Variants in STRN3 observed in about 807,000 individuals in gnomAD.
STRN3 encodes striatin 3.
STRN3 carries 29 observed loss-of-function variants against 95.6 expected under a neutral mutation model. That is an observed-to-expected ratio of 0.30 (90% CI 0.23 to 0.41). The LOEUF (loss-of-function observed/expected upper bound fraction) is 0.41, where lower values mean the gene tolerates loss of function less well. Ranked by LOEUF, STRN3 falls within the 10% of genes least tolerant of loss-of-function variation. The probability of loss-of-function intolerance (pLI) is 1.00; values close to 1 mark genes in which losing one functional copy is unlikely to be tolerated. For missense variants in STRN3, 890 were observed against 972.1 expected (o/e 0.92, Z 1.12); for synonymous variants, 331 against 357.6 (o/e 0.93, Z 0.84).
chr14:30,997,592 T>C (rs898369640), intron 1 of STRN3, among the ~76,000 whole-genome samples: 3 of 152,204 alleles, frequency 2.0e-5, no homozygotes, highest in Non-Finnish European at 2.9e-5. Context: ...CTGACCACCC[T>C]GGAGGGCCCT....
In STRN3 at chr14:30,895,741, C is replaced by A; in HGVS notation, c.2145G>T (p.Met715Ile). ...CCAAGTGAGCTACCATAGAATGGAT[C>A]ATTTTACCTAAACAAAACATAACAG... ...IKFFDNKTGK[M>I]IHSMVAHLDA... Residue 715 changes from methionine (M) to isoleucine (I), a missense_variant, in exon 17 of 18, where the codon ATG (methionine) becomes ATT (isoleucine). Physicochemically the swap from Met to Ile is conservative, Grantham distance 10. Around this residue, in one of 3 missense-constraint regions of STRN3, gnomAD observed 357 missense variants for 422.8 expected, o/e 0.84. Transcript: ENST00000357479. The A allele has an allele frequency of 6.2e-7, 1 of 1,611,668 alleles. No homozygotes were observed. Among genetic ancestry groups the A allele is most frequent in the South Asian group, 1.1e-5 (1 of 90,296 alleles).
At chr14:30,944,494 A>G (rs576482173) in intron 5 of STRN3, among the ~76,000 whole-genome samples, 24 of 148,752 alleles carry the variant, frequency 1.6e-4, no homozygotes, top group South Asian at 8.5e-4. Context: ...ATATATACAC[A>G]TATATATACA....
chr14:31,025,676 G>T, intron 1 of STRN3: 1 of 662,178 alleles, frequency 1.5e-6, no homozygotes, highest in South Asian at 2.0e-5. Context: ...CTGCCCCGAG[G>T]AGGCCCGCAC....
intron 1 of STRN3, among the ~76,000 whole-genome samples, chr14:30,982,536 T>C (rs1881462775): frequency 1.3e-5 from 2 of 152,154 alleles, no homozygotes; most frequent in East Asian, 1.9e-4. Context: ...TGCCGAACTC[T>C]TGGCCTCAAG....
chr14:30,947,764 C>A (rs1879436243), intron 4 of STRN3, among the ~76,000 whole-genome samples: 1 of 152,158 alleles, frequency 6.6e-6, no homozygotes, highest in African/African-American at 2.4e-5. Flanking sequence ...GATCTAAGAT[C>A]TCATAGCACT....
chr14:31,022,083 T>C (rs1883531824), intron 1 of STRN3, among the ~76,000 whole-genome samples: 1 of 152,172 alleles, frequency 6.6e-6, no homozygotes, highest in Non-Finnish European at 1.5e-5. Flanking sequence ...AACACCTTTA[T>C]GAAAAATCAC....
chr14:31,005,744 A>G (rs1882681485), intron 1 of STRN3, among the ~76,000 whole-genome samples: 1 of 152,248 alleles, frequency 6.6e-6, no homozygotes, highest in Non-Finnish European at 1.5e-5. Flanking sequence ...ATTTTTACAT[A>G]GCTAAAATTT....
chr14:30,977,279 C>T (rs1881153931), intron 1 of STRN3, among the ~76,000 whole-genome samples: 1 of 151,950 alleles, frequency 6.6e-6, no homozygotes, highest in African/African-American at 2.4e-5. Context: ...AACAATTTAG[C>T]TTCCATCTTA....
chr14:30,994,069 G>A (rs1882090792), intron 1 of STRN3, among the ~76,000 whole-genome samples: 1 of 150,278 alleles, frequency 6.7e-6, no homozygotes, highest in Admixed American at 6.7e-5. Context: ...TAGAGATGGG[G>A]TTTCCCATGT....
chr14:30,962,142 T>C (rs1267416162), intron 1 of STRN3, among the ~76,000 whole-genome samples: 1 of 152,194 alleles, frequency 6.6e-6, no homozygotes, highest in African/African-American at 2.4e-5. Context: ...TTAATATGTG[T>C]GTTTGTGTCT....
In STRN3 at chr14:30,911,849, G is replaced by A. The variant is rs370146462; in HGVS notation, c.1551-25C>T. The stretch of plus-strand genomic sequence containing the variant: ...CCTAAAAGAGGGGGAAAAAGGGTAG[G>A]GGAAGAGAAGGCAATTAAATAACTA... On this transcript the variant is annotated intron_variant, in intron 11 of 17. Transcript: ENST00000357479. The A allele has an allele frequency of 5.0e-6, 8 of 1,593,578 alleles. No homozygotes were observed. In the African/African-American group the frequency reaches 9.5e-5, roughly 19 times the overall value.
intron 1 of STRN3, among the ~76,000 whole-genome samples, chr14:31,015,414 C>A (rs995972276): frequency 7.9e-5 from 12 of 151,618 alleles, no homozygotes; most frequent in Non-Finnish European, 1.5e-4. Context: ...CATTCATCAC[C>A]TAGGCTGGAG....
chr14:30,928,021 T>C (rs1217774888), intron 8 of STRN3, among the ~76,000 whole-genome samples: 4 of 152,160 alleles, frequency 2.6e-5, no homozygotes, highest in Non-Finnish European at 5.9e-5. Context: ...AATGTACTTT[T>C]ATACTCAGCA....
chr14:31,015,534 G>A (rs1413715918), intron 1 of STRN3, among the ~76,000 whole-genome samples: 2 of 151,930 alleles, frequency 1.3e-5, no homozygotes, highest in Non-Finnish European at 2.9e-5. Flanking sequence ...ATCACACCGA[G>A]CTAATTTTTT....
At chr14:30,993,126 T>A (rs893125303) in intron 1 of STRN3, among the ~76,000 whole-genome samples, 2 of 152,158 alleles carry the variant, frequency 1.3e-5, no homozygotes, top group African/African-American at 4.8e-5. Context: ...CCAGGTAGGC[T>A]GGCATGTGCC....
At chr14:30,976,627 A>C (rs532324220) in intron 1 of STRN3, among the ~76,000 whole-genome samples, 1 of 152,362 alleles carries the variant, frequency 6.6e-6, no homozygotes, top group South Asian at 2.1e-4. Context: ...GGACCATAAA[A>C]CCCATCTTAA....
At chr14:30,992,068 T>C (rs1379300578) in intron 1 of STRN3, among the ~76,000 whole-genome samples, 1 of 151,134 alleles carries the variant, frequency 6.6e-6, no homozygotes, top group Non-Finnish European at 1.5e-5. Context: ...GATAATAGTA[T>C]ATGGAAAACT....
At position 30,953,705 on chromosome 14, in the gene STRN3, C is replaced by T. The variant is rs891941412; in HGVS notation, c.460+1915G>A. ...AGTAGAGTGGTGTGAACAAAATTCACTGTAGCCTTGACCTCCCGGGCTCAC... is the reference window on the plus strand; with the variant it reads ...AGTAGAGTGGTGTGAACAAAATTCATTGTAGCCTTGACCTCCCGGGCTCAC... On this transcript the variant is annotated intron_variant, in intron 3 of 17. Transcript: ENST00000357479. 4.6e-5 allele frequency among the ~76,000 whole-genome samples: 7 copies of T among 152,294 alleles called. No homozygotes were observed. In the East Asian group the frequency reaches 9.6e-4, roughly 21 times the overall value.
intron 1 of STRN3, among the ~76,000 whole-genome samples, chr14:30,972,849 G>T (rs1478773310): frequency 1.3e-5 from 2 of 152,062 alleles, no homozygotes; most frequent in African/African-American, 2.4e-5. Flanking sequence ...CTCCCACAAC[G>T]AAAAGTGTGT....
Sources: gnomAD v4.1 joint callset for allele counts (sites outside exome capture counted in the v4.1 genomes callset) on GRCh38, gnomAD v4.1.1 for gene constraint, gnomAD v4.1.1 regional missense constraint, MANE v1.5 for transcripts, NCBI Gene and HGNC (gene_info 2026-07-23, HGNC 2026-07-21) for gene names.